ITGA8: variants seen among roughly 807,000 people sequenced by gnomAD.
ITGA8 encodes the protein integrin subunit alpha 8, also known as integrin alpha-8.
Under a neutral mutation model 142.3 loss-of-function variants are expected in ITGA8, and 91 were observed. The observed-to-expected ratio is 0.64, with a 90% confidence interval of 0.54 to 0.76. The LOEUF is 0.76. Among genes scored for constraint, ITGA8 ranks in the 30% least tolerant of loss-of-function variants. The pLI is 0.00. For missense variants in ITGA8, 1,406 were observed against 1,327.7 expected (o/e 1.06, Z -0.92); for synonymous variants, 505 against 485.2 (o/e 1.04, Z -0.54).
At chr10:15,535,148 C>T (rs1271684425) in intron 27 of ITGA8, among the ~76,000 whole-genome samples, 1 of 152,166 alleles carries the variant, frequency 6.6e-6, no homozygotes, top group Non-Finnish European at 1.5e-5. Context: ...CTGGATTTCT[C>T]CCTGGGCCTT....
chr10:15,531,463 T>A (rs1162224232), intron 27 of ITGA8, among the ~76,000 whole-genome samples: 1 of 122,244 alleles, frequency 8.2e-6, no homozygotes, highest in African/African-American at 3.1e-5. Context: ...TTTATCTCAT[T>A]AATAAAAGAC....
intron 2 of ITGA8, among the ~76,000 whole-genome samples, chr10:15,694,141 TATATC>T (rs1357027240): frequency 1.4e-5 from 2 of 145,444 alleles, no homozygotes; most frequent in African/African-American, 2.5e-5. Flanking sequence ...ATATAGATAA[TATATC>T]ATATATCAGA....
intron 23 of ITGA8, among the ~76,000 whole-genome samples, chr10:15,582,220 T>C (rs927148150): frequency 6.6e-6 from 1 of 151,896 alleles, no homozygotes; most frequent in Non-Finnish European, 1.5e-5. Flanking sequence ...GCCTGGGAGA[T>C]AGAGTGAGAC....
At chr10:15,581,272 C>T (rs986387727) in intron 23 of ITGA8, among the ~76,000 whole-genome samples, 2 of 152,192 alleles carry the variant, frequency 1.3e-5, no homozygotes, top group Admixed American at 6.5e-5. Context: ...ACTCTGACCA[C>T]TGAGGCTTGG....
intron 4 of ITGA8, among the ~76,000 whole-genome samples, chr10:15,679,030 A>G (rs995872525): frequency 1.3e-5 from 2 of 152,112 alleles, no homozygotes; most frequent in African/African-American, 4.8e-5. Flanking sequence ...CCTTTTGGCT[A>G]CTCTATTGGG....
chr10:15,668,847 C>A (rs537121303), intron 8 of ITGA8, among the ~76,000 whole-genome samples: 1 of 152,308 alleles, frequency 6.6e-6, no homozygotes, highest in Admixed American at 6.5e-5. Context: ...GACTATTGGT[C>A]CCCACTCTCT....
chr10:15,576,437 G>T (rs1258889432), intron 23 of ITGA8, among the ~76,000 whole-genome samples: 3 of 152,118 alleles, frequency 2.0e-5, no homozygotes, highest in South Asian at 4.1e-4. Flanking sequence ...CTTAAGAAGG[G>T]TAGTCCTCAA....
At chr10:15,716,836 A>G (rs538315584) in intron 2 of ITGA8, among the ~76,000 whole-genome samples, 1 of 152,024 alleles carries the variant, frequency 6.6e-6, no homozygotes, top group African/African-American at 2.4e-5. Flanking sequence ...CTGATTTTGT[A>G]TTTTTAGTAG....
chr10:15,672,380 G>A (rs768366936), intron 7 of ITGA8, among the ~76,000 whole-genome samples: 6 of 152,188 alleles, frequency 3.9e-5, no homozygotes, highest in Non-Finnish European at 8.8e-5. Flanking sequence ...TACTACTGGT[G>A]AAATAGTTCA....
chr10:15,709,889 T>C (rs1314079409), intron 2 of ITGA8, among the ~76,000 whole-genome samples: 1 of 152,224 alleles, frequency 6.6e-6, no homozygotes, highest in Non-Finnish European at 1.5e-5. Flanking sequence ...TTTAGTATTT[T>C]AGAACCTAGG....
intron 2 of ITGA8, among the ~76,000 whole-genome samples, chr10:15,714,881 T>C (rs145572201): frequency 1.1e-4 from 16 of 152,294 alleles, no homozygotes; most frequent in African/African-American, 2.9e-4. Flanking sequence ...CCCAGGGACC[T>C]GAACAAGTTG....
At position 15,646,745 on chromosome 10, in the gene ITGA8, T is replaced by C. The variant is rs995290828; in HGVS notation, c.1207+101A>G. The C allele has an allele frequency of 9.9e-5, 75 of 754,944 alleles. 1 individual carries two copies. The highest frequency in any genetic ancestry group is 6.5e-6 in the Non-Finnish European group (3 of 461,102). The allele number at this position is 754,944 out of a possible 1,614,324, so 46.8% of individuals were successfully genotyped here. On this transcript the variant is annotated intron_variant, in intron 12 of 29. Coordinates refer to ENST00000378076, the MANE Select transcript of ITGA8 (RefSeq NM_003638.3). ...TTTATTAAAAATCAGTAATAATAACTGCACCCACACACACCATACTGAATA... is the reference window on the plus strand; with the variant it reads ...TTTATTAAAAATCAGTAATAATAACCGCACCCACACACACCATACTGAATA...
intron 27 of ITGA8, among the ~76,000 whole-genome samples, chr10:15,543,223 T>C (rs1833605399): frequency 6.6e-6 from 1 of 152,218 alleles, no homozygotes; most frequent in Admixed American, 6.5e-5. Context: ...AGCTCCTGCA[T>C]CCTGACCCAG....
intron 8 of ITGA8, among the ~76,000 whole-genome samples, chr10:15,663,484 C>T (rs929820034): frequency 6.6e-6 from 1 of 152,146 alleles, no homozygotes; most frequent in African/African-American, 2.4e-5. Context: ...CTGTTTTCTA[C>T]CATCTTTCCC....
At chr10:15,522,136 T>C (rs369543004) in intron 28 of ITGA8, among the ~76,000 whole-genome samples, 1 of 152,210 alleles carries the variant, frequency 6.6e-6, no homozygotes, top group Non-Finnish European at 1.5e-5. Context: ...TTTGAGACAA[T>C]AGATATCCTA....
chr10:15,686,983 C>T (rs1377280852), intron 3 of ITGA8, among the ~76,000 whole-genome samples: 1 of 152,142 alleles, frequency 6.6e-6, no homozygotes, highest in African/African-American at 2.4e-5. Flanking sequence ...AATTTTTCAA[C>T]AGCAATTCCC....
intron 11 of ITGA8, among the ~76,000 whole-genome samples, chr10:15,649,793 T>A (rs1834053727): frequency 6.6e-6 from 1 of 152,154 alleles, no homozygotes; most frequent in Admixed American, 6.5e-5. Context: ...AAAATGCTGA[T>A]GGTACCAAAC....
intron 19 of ITGA8, among the ~76,000 whole-genome samples, chr10:15,605,365 G>C (rs917765012): frequency 1.3e-5 from 2 of 152,146 alleles, no homozygotes; most frequent in African/African-American, 4.8e-5. Context: ...CTGAAAAAAA[G>C]TTTGGTTGAA....
chr10:15,716,741 G>T (rs1835460610), intron 2 of ITGA8, among the ~76,000 whole-genome samples: 1 of 148,034 alleles, frequency 6.8e-6, no homozygotes, highest in South Asian at 2.1e-4. Context: ...TGCAATCTTG[G>T]CTAACTGCAA....
Sources: gnomAD v4.1 joint callset for allele counts (sites outside exome capture counted in the v4.1 genomes callset) on GRCh38, gnomAD v4.1.1 for gene constraint, MANE v1.5 for transcripts, NCBI Gene and HGNC (gene_info 2026-07-23, HGNC 2026-07-21) for gene names.